Variants in COX7B2 observed in about 807,000 individuals in gnomAD.
COX7B2 encodes cytochrome c oxidase subunit 7B2, mitochondrial.
For missense variants in COX7B2, 109 were observed against 95.9 expected (o/e 1.14, Z -0.57); for synonymous variants, 37 against 32.1 (o/e 1.15, Z -0.51).
chr4:46,801,523 C>CA (rs1718656939), intron 2 of COX7B2, among the ~76,000 whole-genome samples: 1 of 152,038 alleles, frequency 6.6e-6, no homozygotes, highest in South Asian at 2.1e-4. Context: ...TGAGAACACT[C>CA]ATGGACACAA....
chr4:46,775,245 T>C (rs1717091583), intron 2 of COX7B2, among the ~76,000 whole-genome samples: 1 of 152,114 alleles, frequency 6.6e-6, no homozygotes, highest in Non-Finnish European at 1.5e-5. Flanking sequence ...ATGAAAAGCA[T>C]ATATTATAAG....
rs1008813112 is a variant in COX7B2, at chr4:46,750,241, C to CACAT, written c.-49-15004_-49-15001dup. On this transcript the variant is annotated intron_variant, in intron 2 of 2. Coordinates refer to ENST00000355591, the MANE Select transcript of COX7B2 (RefSeq NM_130902.3). ...ACACACACACACACACACACACACA[C>CACAT]ACATTATCCAGGTGTGGTGGCACAT... Among the ~76,000 whole-genome samples, 12 of 144,652 alleles carry CACAT rather than the reference C, an allele frequency of 8.3e-5. No individual in the cohort carries two copies. In the South Asian group the frequency reaches 1.2e-3, roughly 14 times the overall value. The allele number at this position is 144,652 out of a possible 152,430, so 94.9% of individuals were successfully genotyped here. A position where few individuals can be genotyped will look rare whatever the true frequency, so the allele number is the denominator to read the frequency against.
At chr4:46,766,263 G>A (rs1027253853) in intron 2 of COX7B2, among the ~76,000 whole-genome samples, 2 of 152,104 alleles carry the variant, frequency 1.3e-5, no homozygotes, top group African/African-American at 2.4e-5. Context: ...TTGTAATGGT[G>A]GTGTGTAAAA....
chr4:46,844,449 A>G (rs1461759099), intron 2 of COX7B2, among the ~76,000 whole-genome samples: 1 of 152,016 alleles, frequency 6.6e-6, no homozygotes, highest in Non-Finnish European at 1.5e-5. Flanking sequence ...ACCATCTAAT[A>G]GCAAAATGAA....
chr4:46,857,856 CT>C (rs1188776795), intron 1 of COX7B2, among the ~76,000 whole-genome samples: 4 of 152,152 alleles, frequency 2.6e-5, no homozygotes, highest in African/African-American at 4.8e-5. Context: ...GGAATAAGAG[CT>C]TTTTTGTGTT....
chr4:46,853,490 C>T (rs964669818), intron 1 of COX7B2, among the ~76,000 whole-genome samples: 1 of 152,088 alleles, frequency 6.6e-6, no homozygotes, highest in African/African-American at 2.4e-5. Flanking sequence ...CTAGTCAACA[C>T]TCCTGTAAAA....
Position 46,754,726 on chromosome 4 carries a change from G to GTATATATATATATATATATATATA in COX7B2, c.-49-19486_-49-19485insTATATATATATATATATATATATA, listed in dbSNP as rs1228184530. On this transcript the variant is annotated intron_variant, in intron 2 of 2. Transcript: ENST00000355591. ...TGTGTGTGTGTGTGTGTGTGTGTGT[G>GTATATATATATATATATATATATA]TGTATATATATATATATATATATGA... Among the ~76,000 whole-genome samples the GTATATATATATATATATATATATA allele has an allele frequency of 7.9e-3, 365 of 46,024 alleles. 4 individuals carry two copies. Among genetic ancestry groups the GTATATATATATATATATATATATA allele is most frequent in the East Asian group, 0.012 (11 of 946 alleles). 30.2% of individuals were successfully genotyped at this position (46,024 alleles called of 152,430 possible).
chr4:46,845,659 A>C (rs2109766017), intron 1 of COX7B2, among the ~76,000 whole-genome samples: 1 of 152,120 alleles, frequency 6.6e-6, no homozygotes, highest in African/African-American at 2.4e-5. Flanking sequence ...GGACACAGAA[A>C]AAAAGAGCAT....
At chr4:46,851,197 T>C (rs17598636) in intron 1 of COX7B2, among the ~76,000 whole-genome samples, 8,612 of 152,076 alleles carry the variant, frequency 0.057, 312 homozygotes, top group South Asian at 0.16. Flanking sequence ...AAAACACCTT[T>C]GTCTTGAGAT....
At chr4:46,904,496 CA>C (rs1720258256) in intron 1 of COX7B2, among the ~76,000 whole-genome samples, 1 of 152,014 alleles carries the variant, frequency 6.6e-6, no homozygotes, top group Non-Finnish European at 1.5e-5. Flanking sequence ...CAAATTAAAA[CA>C]ACACTGAGAT....
At chr4:46,879,207 T>C (rs1246587855) in intron 1 of COX7B2, among the ~76,000 whole-genome samples, 1 of 152,140 alleles carries the variant, frequency 6.6e-6, no homozygotes, top group African/African-American at 2.4e-5. Flanking sequence ...ACTGATGCCT[T>C]GACCTTGAAC....
At chr4:46,871,406 T>C (rs1442727737) in intron 1 of COX7B2, among the ~76,000 whole-genome samples, 1 of 152,046 alleles carries the variant, frequency 6.6e-6, no homozygotes. Context: ...ACCTAGACAA[T>C]ATCATCCTGC....
intron 2 of COX7B2, among the ~76,000 whole-genome samples, chr4:46,744,328 T>G (rs968933614): frequency 6.6e-6 from 1 of 152,090 alleles, no homozygotes; most frequent in African/African-American, 2.4e-5. Flanking sequence ...TATGCATTGC[T>G]ACATTTCTTC....
intron 2 of COX7B2, among the ~76,000 whole-genome samples, chr4:46,819,225 C>T (rs1714092695): frequency 6.6e-6 from 1 of 152,094 alleles, no homozygotes; most frequent in African/African-American, 2.4e-5. Context: ...TGGAGGACTT[C>T]CCAACCCACT....
intron 1 of COX7B2, among the ~76,000 whole-genome samples, chr4:46,849,906 C>T (rs750879512): frequency 6.6e-6 from 1 of 152,044 alleles, no homozygotes; most frequent in Non-Finnish European, 1.5e-5. Flanking sequence ...GTTCATATAA[C>T]TACCATACTT....
chr4:46,767,756 A>C (rs1270384802), intron 2 of COX7B2, among the ~76,000 whole-genome samples: 1 of 152,376 alleles, frequency 6.6e-6, no homozygotes, highest in East Asian at 1.9e-4. Flanking sequence ...ATAATCAAAA[A>C]GGAAATCACA....
chr4:46,810,290 G>A (rs1001099816), intron 2 of COX7B2, among the ~76,000 whole-genome samples: 1 of 151,850 alleles, frequency 6.6e-6, no homozygotes, highest in South Asian at 2.1e-4. Flanking sequence ...TGATACATAG[G>A]GACTTGCTAC....
intron 2 of COX7B2, among the ~76,000 whole-genome samples, chr4:46,832,510 C>T (rs1242865222): frequency 1.3e-5 from 2 of 152,110 alleles, no homozygotes; most frequent in Non-Finnish European, 2.9e-5. Context: ...GTTCCATAGG[C>T]ATATTTAAAG....
intron 1 of COX7B2, among the ~76,000 whole-genome samples, chr4:46,857,718 C>T (rs1717082901): frequency 6.6e-6 from 1 of 152,142 alleles, no homozygotes; most frequent in African/African-American, 2.4e-5. Context: ...AGTGGAAGAG[C>T]TACAGAAGTA....
Sources: gnomAD v4.1 joint callset for allele counts (sites outside exome capture counted in the v4.1 genomes callset) on GRCh38, gnomAD v4.1.1 for gene constraint, MANE v1.5 for transcripts, NCBI Gene and HGNC (gene_info 2026-07-23, HGNC 2026-07-21) for gene names.